The following CLASP1 variants were observed in gnomAD, a reference collection of about 807,000 sequenced individuals.
The protein encoded by CLASP1 is cytoplasmic linker associated protein 1, also known as CLIP-associating protein 1.
A neutral mutation model predicts 192.3 loss-of-function variants in CLASP1; 38 were observed. The ratio of observed to expected loss-of-function variants is 0.20; its 90% confidence interval spans 0.15 to 0.26. The LOEUF is 0.26. Ranked by LOEUF, CLASP1 falls within the 10% of genes least tolerant of loss-of-function variation. The pLI is 1.00. For missense variants in CLASP1, 1,433 were observed against 1,932.5 expected, an observed-to-expected ratio of 0.74 and a Z score of 4.85; for synonymous variants, 691 against 712.8, an observed-to-expected ratio of 0.97 and a Z score of 0.49.
chr2:121,341,568 T>C (rs1260922855), intron 39 of CLASP1, among the ~76,000 whole-genome samples: 1 of 152,220 alleles, frequency 6.6e-6, no homozygotes, highest in African/African-American at 2.4e-5. Context: ...AAGACATAAA[T>C]GGATTGAAAA....
intron 15 of CLASP1, among the ~76,000 whole-genome samples, chr2:121,451,568 C>T (rs1469049211): frequency 6.6e-6 from 1 of 152,242 alleles, no homozygotes; most frequent in East Asian, 1.9e-4. Flanking sequence ...GGCTCTGCAG[C>T]TGTCAGAATG....
In CLASP1 at chr2:121,531,279, A is replaced by G. The variant is rs2094859911; in HGVS notation, c.196-954T>C. On this transcript the variant is annotated intron_variant, in intron 2 of 39. Transcript: ENST00000263710. ...AAGTTTCAATAGGAGACGAAGTTTC[A>G]GTAGGTCTTTGCACCTCACATAAAA... is the stretch of plus-strand genomic sequence containing the variant. Among the ~76,000 whole-genome samples, 6 of 152,184 alleles carry G rather than the reference A, an allele frequency of 3.9e-5. No homozygotes were observed. The South Asian group carries it at 6.2e-4, about 16-fold the overall frequency.
In CLASP1 at chr2:121,495,361, C is replaced by A. The variant is rs555693575; in HGVS notation, c.712+7806G>T. On this transcript the variant is annotated intron_variant, in intron 8 of 39. Transcript: ENST00000263710. ...AATAAAAATATTTAAAGAGTATTGT[C>A]ACTTTAAAGAATACAATGGCTGGGC... 1.9e-4 allele frequency among the ~76,000 whole-genome samples: 23 copies of A among 122,332 alleles called. No individual in the cohort carries two copies. In the South Asian group the frequency reaches 5.9e-3, roughly 31 times the overall value. The allele number at this position is 122,332 out of a possible 152,430, so 80.3% of individuals were successfully genotyped here.
chr2:121,365,880 C>A (rs1422392721), intron 35 of CLASP1, among the ~76,000 whole-genome samples: 1 of 152,202 alleles, frequency 6.6e-6, no homozygotes, highest in Non-Finnish European at 1.5e-5. Context: ...GATGACTCAA[C>A]ATAGTTACCT....
intron 1 of CLASP1, among the ~76,000 whole-genome samples, chr2:121,623,030 C>A (rs926558888): frequency 6.6e-6 from 1 of 151,944 alleles, no homozygotes; most frequent in Non-Finnish European, 1.5e-5. Context: ...TCGAGACCAG[C>A]CTGGGCAACA....
At chr2:121,620,450 A>G (rs1375358701) in intron 1 of CLASP1, among the ~76,000 whole-genome samples, 3 of 151,870 alleles carry the variant, frequency 2.0e-5, no homozygotes, top group Admixed American at 2.0e-4. Context: ...CCGGGGTTCA[A>G]GCAATTCTCC....
chr2:121,389,368 T>C (rs576528656), intron 30 of CLASP1, among the ~76,000 whole-genome samples: 1 of 152,262 alleles, frequency 6.6e-6, no homozygotes, highest in East Asian at 1.9e-4. Context: ...TGAAGGAATC[T>C]ATTTCACCAA....
rs368524853 is a variant in CLASP1 at position 121,376,847 on chromosome 2, G to A, written c.3642+652C>T. On this transcript the variant is annotated intron_variant, in intron 34 of 39. Coordinates refer to ENST00000263710, the Ensembl canonical transcript of CLASP1. The stretch of plus-strand genomic sequence containing the variant: ...CTGTGCATGCGAGGGGATCTAGGTT[G>A]CGTGGTCCTTATGAGAGTCTAATGC... Among the ~76,000 whole-genome samples, 31 of 152,316 alleles carry A rather than the reference G, an allele frequency of 2.0e-4. No homozygotes were observed. The East Asian group carries it at 4.2e-3, about 21-fold the overall frequency.
chr2:121,393,291 A>T (rs2074692220), intron 30 of CLASP1, among the ~76,000 whole-genome samples: 1 of 152,226 alleles, frequency 6.6e-6, no homozygotes. Context: ...GGACATTCAC[A>T]GAAGAACTTG....
intron 8 of CLASP1, among the ~76,000 whole-genome samples, 199 bp downstream of exon 8, chr2:121,502,968 A>G (rs1287821095): frequency 6.6e-6 from 1 of 152,308 alleles, no homozygotes; most frequent in South Asian, 2.1e-4. Context: ...ATTCGCTAAT[A>G]AATTCAATAC....
intron 1 of CLASP1, among the ~76,000 whole-genome samples, chr2:121,621,060 T>G (rs1202852887): frequency 6.6e-6 from 1 of 151,906 alleles, no homozygotes; most frequent in Non-Finnish European, 1.5e-5. Flanking sequence ...AAACCCTATC[T>G]CTATAAAAAA....
At chr2:121,616,179 G>C (rs1042225100) in intron 1 of CLASP1, among the ~76,000 whole-genome samples, 2 of 152,056 alleles carry the variant, frequency 1.3e-5, no homozygotes, top group Non-Finnish European at 2.9e-5. Flanking sequence ...AGGTGCGGTC[G>C]CTCACGCCTG....
At chr2:121,448,474 C>A in intron 17 of CLASP1, 149 bp from the exon 18 acceptor site, 1 of 699,094 alleles carries the variant, frequency 1.4e-6, no homozygotes, top group East Asian at 2.7e-5. Context: ...TGTAAACTCC[C>A]TGATTCCCAA....
chr2:121,633,947 T>G (rs1012244851), intron 1 of CLASP1, among the ~76,000 whole-genome samples: 13 of 150,200 alleles, frequency 8.7e-5, no homozygotes, highest in Non-Finnish European at 1.6e-4. Context: ...GCGGAGCTTG[T>G]AGTGAGCCCC....
intron 33 of CLASP1, among the ~76,000 whole-genome samples, chr2:121,377,935 C>T (rs1164152116): frequency 6.6e-6 from 1 of 152,018 alleles, no homozygotes; most frequent in African/African-American, 2.4e-5. Context: ...ACACTGGTGA[C>T]TGAAGGCACG....
Position 121,525,844 on chromosome 2 carries a change from C to T in CLASP1, c.546+1G>A. 1 of 1,610,280 alleles carries T rather than the reference C, an allele frequency of 6.2e-7. No individual in the cohort carries two copies. The highest frequency in any genetic ancestry group is 8.5e-7 in the Non-Finnish European group (1 of 1,176,976). On this transcript the variant is annotated splice_donor_variant, in intron 6 of 39. Transcript: ENST00000263710. LOFTEE classifies it high-confidence loss of function. ...TCCCGAGGGTTTTCCTTCTCACTCA[C>T]CTGGCTGTTTGGATCTCCAAGTAAG...
intron 30 of CLASP1, among the ~76,000 whole-genome samples, chr2:121,389,841 T>C (rs547956800): frequency 6.6e-6 from 1 of 152,272 alleles, no homozygotes; most frequent in Non-Finnish European, 1.5e-5. Flanking sequence ...CTAGAAACGG[T>C]AGAAAGTATC....
chr2:121,406,779 T>TG (rs1428319547), intron 25 of CLASP1, among the ~76,000 whole-genome samples: 2 of 152,180 alleles, frequency 1.3e-5, no homozygotes, highest in East Asian at 3.9e-4. Context: ...TTTGTAGAGA[T>TG]GGGGTCTCCC....
chr2:121,568,287 C>T (rs562845759), intron 2 of CLASP1, among the ~76,000 whole-genome samples: 1 of 152,004 alleles, frequency 6.6e-6, no homozygotes, highest in African/African-American at 2.4e-5. Flanking sequence ...TAGCTTCCAC[C>T]CCTCCCGGAA....
Sources: gnomAD v4.1 joint callset for allele counts (sites outside exome capture counted in the v4.1 genomes callset) on GRCh38, gnomAD v4.1.1 for gene constraint, MANE v1.5 for transcripts, NCBI Gene and HGNC (gene_info 2026-07-23, HGNC 2026-07-21) for gene names.